Variants in NRG1 observed in about 807,000 individuals in gnomAD.
The protein encoded by NRG1 is pro-neuregulin-1, membrane-bound isoform.
Under a neutral mutation model 63.8 loss-of-function variants are expected in NRG1, and 18 were observed. The ratio of observed to expected loss-of-function variants is 0.28; its 90% CI spans 0.19 to 0.42. The LOEUF is 0.42. Among genes scored for constraint, NRG1 ranks in the 10% least tolerant of loss-of-function variants. The probability of loss-of-function intolerance (pLI) is 1.00; values close to 1 mark genes in which losing one functional copy is unlikely to be tolerated. For missense variants in NRG1, 762 were observed against 814.7 expected, an observed-to-expected ratio of 0.94 and a Z score of 0.79; for synonymous variants, 302 against 301.3, an observed-to-expected ratio of 1.00 and a Z score of -0.02.
intron 1 of NRG1, among the ~76,000 whole-genome samples, chr8:31,785,978 C>A (rs149708689): frequency 6.6e-6 from 1 of 152,064 alleles, no homozygotes; most frequent in Non-Finnish European, 1.5e-5. Context: ...TTATTCACAG[C>A]GTGTTACTAT....
intron 5 of NRG1, among the ~76,000 whole-genome samples, chr8:32,631,726 A>G (rs1197053566): frequency 2.0e-5 from 3 of 152,196 alleles, no homozygotes; most frequent in Non-Finnish European, 4.4e-5. Context: ...ATATAGAAAA[A>G]GAATATCTTT....
intron 1 of NRG1, among the ~76,000 whole-genome samples, chr8:31,848,450 A>C (rs1360755058): frequency 6.6e-6 from 1 of 152,158 alleles, no homozygotes; most frequent in Non-Finnish European, 1.5e-5. Context: ...TGAATTGGGC[A>C]ATGCTGTTTA....
intron 1 of NRG1, among the ~76,000 whole-genome samples, chr8:32,309,726 G>T (rs1055727578): frequency 6.6e-6 from 1 of 152,170 alleles, no homozygotes; most frequent in African/African-American, 2.4e-5. Context: ...GTCTTCCAGA[G>T]AACTACACTT....
At chr8:32,585,262 G>A (rs1372567264) in intron 1 of NRG1, among the ~76,000 whole-genome samples, 1 of 152,144 alleles carries the variant, frequency 6.6e-6, no homozygotes, top group Non-Finnish European at 1.5e-5. Context: ...TATGTCATGT[G>A]AACTTTGCTA....
intron 1 of NRG1, among the ~76,000 whole-genome samples, chr8:31,642,732 A>T (rs1273747976): frequency 6.6e-6 from 1 of 152,166 alleles, no homozygotes; most frequent in Non-Finnish European, 1.5e-5. Flanking sequence ...TCACAAAGTT[A>T]CTGCCCTGGA....
At chr8:32,054,863 C>CTTTTTTTTTTTTTTTT (rs543522972) in intron 1 of NRG1, among the ~76,000 whole-genome samples, 2 of 64,022 alleles carry the variant, frequency 3.1e-5, no homozygotes, top group African/African-American at 1.2e-4. Context: ...TTCTTTCTTT[C>CTTTTTTTTTTTTTTTT]TTTTTTTTTT....
At chr8:31,897,092 TAGGCAAACTGGAAG>T (rs748851478) in intron 1 of NRG1, among the ~76,000 whole-genome samples, 6 of 152,208 alleles carry the variant, frequency 3.9e-5, no homozygotes, top group Non-Finnish European at 8.8e-5. Flanking sequence ...ATTCTGTTTC[TAGGCAAACTGGAAG>T]AGGAAAACTA....
chr8:31,734,500 G>T (rs895633291), intron 1 of NRG1, among the ~76,000 whole-genome samples: 27 of 152,062 alleles, frequency 1.8e-4, no homozygotes, highest in African/African-American at 6.3e-4. Context: ...TCTTCTAAAG[G>T]ATTTGATTAC....
At chr8:32,496,657 A>G (rs952244751) in intron 1 of NRG1, among the ~76,000 whole-genome samples, 1 of 152,144 alleles carries the variant, frequency 6.6e-6, no homozygotes, top group Admixed American at 6.5e-5. Context: ...ACCAGGGTGC[A>G]TGGGATTATG....
intron 1 of NRG1, among the ~76,000 whole-genome samples, chr8:32,105,949 A>G (rs1251880491): frequency 1.4e-5 from 2 of 146,070 alleles, no homozygotes; most frequent in Admixed American, 1.4e-4. Context: ...GTGGAAATTC[A>G]TCTGGAAACT....
intron 1 of NRG1, among the ~76,000 whole-genome samples, chr8:32,531,397 C>CT (rs1831437988): frequency 6.6e-6 from 1 of 151,910 alleles, no homozygotes; most frequent in African/African-American, 2.4e-5. Context: ...TTTCTGCTTT[C>CT]TTTTTCATTT....
chr8:32,034,793 T>C (rs1339628321), intron 1 of NRG1, among the ~76,000 whole-genome samples: 1 of 152,218 alleles, frequency 6.6e-6, no homozygotes, highest in Non-Finnish European at 1.5e-5. Context: ...TCAGTGGTGA[T>C]ATCCCTTTAT....
intron 1 of NRG1, among the ~76,000 whole-genome samples, chr8:32,005,124 A>C (rs956128792): frequency 6.6e-6 from 1 of 150,598 alleles, no homozygotes; most frequent in African/African-American, 2.4e-5. Flanking sequence ...GAAAGAAGGG[A>C]GGGAGGATGG....
chr8:32,078,914 G>T lies in NRG1; in HGVS notation c.37+439483G>T, dbSNP rs149253874. 9.2e-5 allele frequency among the ~76,000 whole-genome samples: 14 copies of T among 152,248 alleles called. 1 individual carries two copies. Among genetic ancestry groups the T allele is most frequent in the African/African-American group, 3.4e-4 (14 of 41,534 alleles). ...TATTCTGTGTGTATGGATTCTGTCA[G>T]CAGGGTTGAAATAAGATGTTAACTG... On this transcript the variant is annotated intron_variant, in intron 1 of 10. Transcript: ENST00000519301.
In NRG1 at chr8:32,325,158, T is replaced by A. The variant is rs115572919; in HGVS notation, c.38-270670T>A. 2.2e-3 allele frequency among the ~76,000 whole-genome samples: 339 copies of A among 152,288 alleles called. 1 individual carries two copies. The highest frequency in any genetic ancestry group is 7.6e-3 in the African/African-American group (315 of 41,570). ...AAATTCAACACTTAAGGAGGAGGCA[T>A]GAGAAAACATCTTATTGAGGTTTTT... is the stretch of plus-strand genomic sequence containing the variant. On this transcript the variant is annotated intron_variant, in intron 1 of 10. Transcript: ENST00000519301.
At chr8:32,592,961 G>A (rs1842772243) in intron 1 of NRG1, among the ~76,000 whole-genome samples, 1 of 152,094 alleles carries the variant, frequency 6.6e-6, no homozygotes, top group Non-Finnish European at 1.5e-5. Flanking sequence ...TAACTTATAT[G>A]TATTATATAT....
At chr8:32,718,766 C>A (rs557426784) in intron 5 of NRG1, among the ~76,000 whole-genome samples, 1 of 152,196 alleles carries the variant, frequency 6.6e-6, no homozygotes, top group East Asian at 1.9e-4. Context: ...AACCATAGGC[C>A]AAATTCACCT....
At chr8:32,341,584 T>A (rs1168647642) in intron 1 of NRG1, among the ~76,000 whole-genome samples, 1 of 152,114 alleles carries the variant, frequency 6.6e-6, no homozygotes, top group African/African-American at 2.4e-5. Flanking sequence ...ATGTCACAGG[T>A]CCCCTAACTC....
chr8:32,772,767 C>G (rs184446837), downstream of NRG1, among the ~76,000 whole-genome samples: 4 of 152,168 alleles, frequency 2.6e-5, no homozygotes, highest in Non-Finnish European at 4.4e-5. Context: ...TCAGATAACA[C>G]AGACAATTTT....
Sources: gnomAD v4.1 joint callset for allele counts (sites outside exome capture counted in the v4.1 genomes callset) on GRCh38, gnomAD v4.1.1 for gene constraint, MANE v1.5 for transcripts, NCBI Gene and HGNC (gene_info 2026-07-23, HGNC 2026-07-21) for gene names.